CFAP61: variants seen among roughly 807,000 people sequenced by gnomAD.
CFAP61 encodes cilia and flagella associated protein 61.
CFAP61 carries 107 observed loss-of-function variants against 135.6 expected under a neutral mutation model. That is an observed-to-expected ratio of 0.79 (90% CI 0.67 to 0.93). The LOEUF is 0.93. Ranked by LOEUF, CFAP61 falls within the 40% of genes least tolerant of loss-of-function variation. The pLI is 0.00. For synonymous variants in CFAP61, 575 were observed against 578.5 expected (o/e 0.99, Z 0.09); for missense variants, 1,507 against 1,556.2 (o/e 0.97, Z 0.53).
At chr20:20,099,675 T>G (rs933297120) in intron 8 of CFAP61, among the ~76,000 whole-genome samples, 2 of 152,214 alleles carry the variant, frequency 1.3e-5, no homozygotes, top group South Asian at 2.1e-4. Context: ...TAGCAATTAT[T>G]TTTTCTTTGT....
In CFAP61 at chr20:20,070,847, T is replaced by C. The variant is rs780030013; in HGVS notation, c.144-7T>C. On this transcript the variant is annotated splice_polypyrimidine_tract_variant and splice_region_variant and intron_variant, in intron 2 of 26. Transcript: ENST00000245957. ...ATTCATGTTTGCAATTGTAATCATTTCTGCAGAGAAAAGGCCAACCTTGCT... is the reference window on the plus strand; with the variant it reads ...ATTCATGTTTGCAATTGTAATCATTCCTGCAGAGAAAAGGCCAACCTTGCT... The C allele has an allele frequency of 1.2e-6, 2 of 1,609,418 alleles. No individual in the cohort carries two copies. Among genetic ancestry groups the C allele is most frequent in the East Asian group, 4.5e-5 (2 of 44,792 alleles).
intron 25 of CFAP61, among the ~76,000 whole-genome samples, chr20:20,339,751 G>A (rs73291112): frequency 0.018 from 2,807 of 152,204 alleles, 106 homozygotes; most frequent in African/African-American, 0.064. Flanking sequence ...CCAAAGTGCT[G>A]GGATTGTAGG....
At chr20:20,059,727 T>A (rs1184212093) in intron 2 of CFAP61, among the ~76,000 whole-genome samples, 1 of 152,174 alleles carries the variant, frequency 6.6e-6, no homozygotes, top group Non-Finnish European at 1.5e-5. Context: ...TTAAAAGCTC[T>A]GTAGATGAAT....
intron 13 of CFAP61, among the ~76,000 whole-genome samples, chr20:20,174,739 C>T (rs1180911423): frequency 7.0e-6 from 1 of 142,892 alleles, no homozygotes; most frequent in Admixed American, 7.2e-5. Context: ...AACCCCCACC[C>T]TTACACCCCA....
chr20:20,323,586 C>T (rs1455618547), intron 25 of CFAP61, among the ~76,000 whole-genome samples: 1 of 152,126 alleles, frequency 6.6e-6, no homozygotes, highest in East Asian at 1.9e-4. Context: ...ATGCACAGAG[C>T]CAGTATCCAA....
chr20:20,269,352 T>C (rs13036971), intron 21 of CFAP61, among the ~76,000 whole-genome samples: 4,013 of 151,518 alleles, frequency 0.026, 80 homozygotes, highest in Non-Finnish European at 0.04. Flanking sequence ...TACACATATA[T>C]GTATATGTGT....
intron 8 of CFAP61, among the ~76,000 whole-genome samples, chr20:20,121,491 A>T (rs1038678680): frequency 6.6e-6 from 1 of 151,138 alleles, no homozygotes; most frequent in Non-Finnish European, 1.5e-5. Context: ...TTTAGTTTTT[A>T]AAATTTTTAA....
At chr20:20,184,701 AGAACTTCTGATGAGGCAG>A (rs2055375500) in intron 13 of CFAP61, 2 of 152,178 alleles carry the variant, frequency 1.3e-5, no homozygotes, top group African/African-American at 2.4e-5. Flanking sequence ...TGATGAGGTA[AGAACTTCTGATGAGGCAG>A]GAACTTCTGA....
chr20:20,059,889 C>G (rs1327757795), intron 2 of CFAP61, among the ~76,000 whole-genome samples: 1 of 151,788 alleles, frequency 6.6e-6, no homozygotes, highest in Non-Finnish European at 1.5e-5. Flanking sequence ...TAATAGGAAG[C>G]CAAAGGGTAA....
At chr20:20,212,056 A>AG (rs1419398158) in intron 17 of CFAP61, among the ~76,000 whole-genome samples, 2 of 152,160 alleles carry the variant, frequency 1.3e-5, no homozygotes, top group African/African-American at 4.8e-5. Context: ...ATATATCACA[A>AG]GTCTTTTGAT....
intron 18 of CFAP61, among the ~76,000 whole-genome samples, chr20:20,231,025 A>G (rs1474164365): frequency 1.3e-5 from 2 of 152,210 alleles, no homozygotes; most frequent in Non-Finnish European, 2.9e-5. Context: ...TCCATGCAAG[A>G]AATTATAAAA....
chr20:20,262,460 G>A (rs1178426544), intron 20 of CFAP61, among the ~76,000 whole-genome samples: 1 of 152,172 alleles, frequency 6.6e-6, no homozygotes, highest in Non-Finnish European at 1.5e-5. Flanking sequence ...AACATCAACT[G>A]CAAGGCAAAT....
chr20:20,190,917 A>G (rs1174000955), intron 14 of CFAP61, among the ~76,000 whole-genome samples: 4 of 152,042 alleles, frequency 2.6e-5, no homozygotes, highest in Non-Finnish European at 2.9e-5. Context: ...CCAGGAGTTC[A>G]AGACCATCCT....
chr20:20,252,037 A>G (rs889720175), intron 20 of CFAP61, among the ~76,000 whole-genome samples: 13 of 152,254 alleles, frequency 8.5e-5, no homozygotes, highest in Admixed American at 8.5e-4. Context: ...GCTGTTGTCC[A>G]AAAGTCTAAC....
intron 6 of CFAP61, among the ~76,000 whole-genome samples, chr20:20,080,914 A>C (rs1165071978): frequency 1.3e-5 from 2 of 152,016 alleles, no homozygotes; most frequent in Non-Finnish European, 2.9e-5. Flanking sequence ...AGGCAGGAGA[A>C]TCTCTTGAAC....
At chr20:20,340,661 C>A (rs529285954) in intron 25 of CFAP61, among the ~76,000 whole-genome samples, 3 of 152,084 alleles carry the variant, frequency 2.0e-5, no homozygotes, top group Non-Finnish European at 4.4e-5. Flanking sequence ...AGCGAGCAGG[C>A]GGTTCCGCCA....
chr20:20,191,226 T>A, intron 14 of CFAP61, 116 bp from the exon 15 acceptor site: 1 of 715,860 alleles, frequency 1.4e-6, no homozygotes, highest in Non-Finnish European at 2.3e-6. Context: ...AAGTAGGTGT[T>A]GATAGATGTT....
chr20:20,265,509 G>T, intron 21 of CFAP61: 1 of 779,526 alleles, frequency 1.3e-6, no homozygotes. Flanking sequence ...GTTTTTTCAA[G>T]ATTTAAGACT....
chr20:20,303,314 C>T (rs1450514769), intron 25 of CFAP61, among the ~76,000 whole-genome samples: 4 of 152,128 alleles, frequency 2.6e-5, no homozygotes, highest in Non-Finnish European at 5.9e-5. Context: ...CCGCTGTTAA[C>T]TGATGAGAGT....
Sources: allele counts gnomAD v4.1 joint callset (sites outside exome capture counted in the v4.1 genomes callset), GRCh38; gene constraint gnomAD v4.1.1; transcripts MANE v1.5; gene names NCBI Gene and HGNC (gene_info 2026-07-23, HGNC 2026-07-21).